Variants in PTPRN2 observed in about 807,000 individuals in gnomAD.
PTPRN2 encodes receptor-type tyrosine-protein phosphatase N2.
Under a neutral mutation model 118.8 loss-of-function variants are expected in PTPRN2, and 74 were observed. The observed-to-expected ratio is 0.62, with a 90% CI of 0.52 to 0.76. The LOEUF is 0.76. Ranked by LOEUF, PTPRN2 falls within the 30% of genes least tolerant of loss-of-function variation. The pLI, the probability that PTPRN2 is intolerant of heterozygous loss-of-function variation, is 0.00. For missense variants in PTPRN2, 1,481 were observed against 1,394.4 expected (o/e 1.06, Z -0.99); for synonymous variants, 641 against 608.0 (o/e 1.05, Z -0.80).
intron 5 of PTPRN2, among the ~76,000 whole-genome samples, chr7:158,173,055 TCAA>T (rs1415478274): frequency 1.4e-5 from 2 of 147,198 alleles, no homozygotes; most frequent in African/African-American, 2.6e-5. Context: ...ACCCCAATCA[TCAA>T]CAACAGCATC....
chr7:158,557,238 T>C (rs1479371911), intron 1 of PTPRN2, among the ~76,000 whole-genome samples: 117 of 122,558 alleles, frequency 9.5e-4, no homozygotes, highest in African/African-American at 2.3e-3. Context: ...AGGGCTCCCG[T>C]GCAGGTCACT....
intron 10 of PTPRN2, among the ~76,000 whole-genome samples, chr7:158,108,590 C>G (rs1367349050): frequency 6.6e-6 from 1 of 152,162 alleles, no homozygotes; most frequent in Non-Finnish European, 1.5e-5. Context: ...TATGTCTGTA[C>G]CCTAGGAACG....
chr7:158,251,414 G>A lies in PTPRN2; in HGVS notation c.278-46141C>T, dbSNP rs114913762. Among the ~76,000 whole-genome samples, 706 of 152,068 alleles carry A rather than the reference G, an allele frequency of 4.6e-3. 2 individuals are homozygous for A. The highest frequency in any genetic ancestry group is 0.016 in the African/African-American group (670 of 41,456). On this transcript the variant is annotated intron_variant, in intron 3 of 22. Coordinates refer to ENST00000389418, the MANE Select transcript of PTPRN2 (RefSeq NM_002847.5). ...GATGTATACAGTGCATGTGGGGCGT[G>A]TGCAGGTGTGCAATGGATGTATATG...
At chr7:158,450,677 C>T (rs531907552) in intron 2 of PTPRN2, among the ~76,000 whole-genome samples, 8 of 152,144 alleles carry the variant, frequency 5.3e-5, no homozygotes, top group Non-Finnish European at 1.2e-4. Context: ...TGAGATGATC[C>T]GAGTCGCCCC....
At chr7:158,511,218 G>A (rs979201709) in intron 1 of PTPRN2, among the ~76,000 whole-genome samples, 1 of 152,096 alleles carries the variant, frequency 6.6e-6, no homozygotes, top group African/African-American at 2.4e-5. Context: ...ACCTCAAAAT[G>A]TCGAGAGGCA....
chr7:157,968,366 C>T (rs797009493), intron 11 of PTPRN2, among the ~76,000 whole-genome samples: 16 of 152,278 alleles, frequency 1.1e-4, no homozygotes, highest in African/African-American at 3.9e-4. Flanking sequence ...CCTGTGATGC[C>T]TGTGCTGACT....
At chr7:158,274,164 C>G (rs192311162) in intron 3 of PTPRN2, among the ~76,000 whole-genome samples, 1 of 37,916 alleles carries the variant, frequency 2.6e-5, no homozygotes, top group Non-Finnish European at 5.7e-5. Context: ...ACAGGGGGAG[C>G]CGCAGACACA....
At chr7:157,852,649 TC>T (rs1333831244) in intron 12 of PTPRN2, among the ~76,000 whole-genome samples, 1 of 152,102 alleles carries the variant, frequency 6.6e-6, no homozygotes, top group African/African-American at 2.4e-5. Context: ...GAAGGGCGGA[TC>T]ACGAGGTCAA....
At chr7:157,743,734 T>C (rs548468500) in intron 12 of PTPRN2, among the ~76,000 whole-genome samples, 3 of 152,218 alleles carry the variant, frequency 2.0e-5, no homozygotes, top group South Asian at 2.1e-4. Flanking sequence ...GTGGCTGGGA[T>C]AGCTATCTCT....
At chr7:157,875,297 G>C (rs548366608) in intron 12 of PTPRN2, among the ~76,000 whole-genome samples, 5 of 152,224 alleles carry the variant, frequency 3.3e-5, no homozygotes, top group African/African-American at 7.2e-5. Context: ...AGAAAGCTGG[G>C]GAGTTTCCAG....
intron 15 of PTPRN2, among the ~76,000 whole-genome samples, chr7:157,613,427 A>G (rs1802517665): frequency 6.6e-6 from 1 of 152,144 alleles, no homozygotes; most frequent in East Asian, 1.9e-4. Context: ...GCGCAGCCTC[A>G]GCGTGTTGCG....
intron 12 of PTPRN2, among the ~76,000 whole-genome samples, chr7:157,842,503 C>G (rs1808503167): frequency 6.6e-6 from 1 of 150,778 alleles, no homozygotes; most frequent in South Asian, 2.1e-4. Flanking sequence ...CAACCTCCAC[C>G]TCCCGTATTC....
intron 3 of PTPRN2, among the ~76,000 whole-genome samples, chr7:158,274,988 G>A (rs1352157858): frequency 1.3e-5 from 2 of 152,226 alleles, no homozygotes; most frequent in African/African-American, 4.8e-5. Context: ...GCGTAGCAGA[G>A]TCCTGTCTCC....
chr7:158,443,043 A>AT (rs945489400), intron 2 of PTPRN2, among the ~76,000 whole-genome samples: 23 of 87,596 alleles, frequency 2.6e-4, no homozygotes, highest in African/African-American at 6.7e-4. Flanking sequence ...ACAAATAAGT[A>AT]TTAAAAAAAA....
At chr7:157,744,597 T>C (rs1434717962) in intron 12 of PTPRN2, among the ~76,000 whole-genome samples, 1 of 152,246 alleles carries the variant, frequency 6.6e-6, no homozygotes, top group African/African-American at 2.4e-5. Flanking sequence ...CAATTTAAGA[T>C]ATGAGATTGG....
intron 12 of PTPRN2, among the ~76,000 whole-genome samples, chr7:157,694,878 T>C (rs1797690601): frequency 6.6e-6 from 1 of 152,162 alleles, no homozygotes; most frequent in African/African-American, 2.4e-5. Context: ...CAAAATATTT[T>C]TGAGAGACAT....
At chr7:157,736,986 C>T (rs1018025351) in intron 12 of PTPRN2, among the ~76,000 whole-genome samples, 4 of 152,176 alleles carry the variant, frequency 2.6e-5, no homozygotes, top group Admixed American at 1.3e-4. Flanking sequence ...GCTTCAGGTG[C>T]CCTTTGCAGA....
intron 2 of PTPRN2, among the ~76,000 whole-genome samples, chr7:158,334,625 C>T (rs1429332742): frequency 9.6e-6 from 1 of 104,438 alleles, no homozygotes; most frequent in Non-Finnish European, 2.2e-5. Context: ...CGCCCGCAGA[C>T]GTCACTCACA....
chr7:157,549,317 C>CTT lies in PTPRN2; in HGVS notation c.2903-300_2903-299dup, dbSNP rs1265288004. Among the ~76,000 whole-genome samples the CTT allele has an allele frequency of 2.2e-3, 282 of 128,344 alleles. 1 individual carries two copies. The highest frequency in any genetic ancestry group is 7.9e-3 in the African/African-American group (270 of 34,298). 84.2% of individuals were successfully genotyped at this position (128,344 alleles called of 152,430 possible). On this transcript the variant is annotated intron_variant, in intron 21 of 22. Coordinates refer to ENST00000389418, the MANE Select transcript of PTPRN2 (RefSeq NM_002847.5). ...AAGCTGTACTGGTTTTCTTTTCTTT[C>CTT]TTTTCTTTTTTTTTTTTTTTGTGAC...
Sources: allele counts gnomAD v4.1 joint callset (sites outside exome capture counted in the v4.1 genomes callset), GRCh38; gene constraint gnomAD v4.1.1; transcripts MANE v1.5; gene names NCBI Gene and HGNC (gene_info 2026-07-23, HGNC 2026-07-21).